Variants in MAF observed in about 807,000 individuals in gnomAD.
The protein encoded by MAF is transcription factor Maf.
A neutral mutation model predicts 22.0 loss-of-function variants in MAF; 10 were observed. The observed-to-expected ratio is 0.45, with a 90% CI of 0.28 to 0.77. The LOEUF is 0.77. Among genes scored for constraint, MAF ranks in the 30% least tolerant of loss-of-function variants. The pLI is 0.12. For synonymous variants in MAF, 337 were observed against 255.8 expected, an observed-to-expected ratio of 1.32 and a Z score of -3.03; for missense variants, 544 against 548.4, an observed-to-expected ratio of 0.99 and a Z score of 0.08.
At chr16:79,279,439 C>T in the MAF span, among the ~76,000 whole-genome samples, 6 of 152,148 alleles carry the variant, frequency 3.9e-5, no homozygotes, top group African/African-American at 9.7e-5. Flanking sequence ...GTTCCATGAA[C>T]GCACACTCCA....
chr16:79,346,562 T>A, the MAF span, among the ~76,000 whole-genome samples: 1 of 152,220 alleles, frequency 6.6e-6, no homozygotes, highest in Admixed American at 6.5e-5. Context: ...AAGGCATTAG[T>A]CTTCAACCTC....
chr16:79,477,259 G>A, the MAF span, among the ~76,000 whole-genome samples: 1 of 152,142 alleles, frequency 6.6e-6, no homozygotes, highest in Admixed American at 6.5e-5. Flanking sequence ...ATGCTTTGTG[G>A]CCAAAAGATG....
the MAF span, among the ~76,000 whole-genome samples, chr16:79,371,316 A>G: frequency 6.6e-6 from 1 of 152,106 alleles, no homozygotes; most frequent in Admixed American, 6.5e-5. Context: ...AGAAATTGGC[A>G]TAGCATCACC....
chr16:79,556,011 G>GTTAGT, the MAF span, among the ~76,000 whole-genome samples: 3 of 151,760 alleles, frequency 2.0e-5, no homozygotes, highest in South Asian at 2.1e-4. Flanking sequence ...AGTTTGTTTT[G>GTTAGT]TTAGTTTAGT....
chr16:79,466,271 G>A, the MAF span, among the ~76,000 whole-genome samples: 3 of 152,120 alleles, frequency 2.0e-5, no homozygotes, highest in African/African-American at 7.2e-5. Flanking sequence ...AGGGCACCTG[G>A]CAGGCTGCAG....
the MAF span, among the ~76,000 whole-genome samples, chr16:79,377,451 CA>C: frequency 5.3e-5 from 8 of 152,094 alleles, no homozygotes; most frequent in Admixed American, 5.2e-4. Context: ...GAGTAGATTG[CA>C]AAAATTTTCT....
chr16:79,523,606 T>A, the MAF span, among the ~76,000 whole-genome samples: 1 of 152,120 alleles, frequency 6.6e-6, no homozygotes, highest in Admixed American at 6.5e-5. Flanking sequence ...AGAAGACAGA[T>A]GAGTACACGA....
chr16:79,340,534 C>T, the MAF span, among the ~76,000 whole-genome samples: 2 of 151,630 alleles, frequency 1.3e-5, no homozygotes, highest in Non-Finnish European at 2.9e-5. Context: ...CAGCCAACAG[C>T]AAAATTTTTC....
chr16:79,567,707 T>A, the MAF span, among the ~76,000 whole-genome samples: 1 of 152,196 alleles, frequency 6.6e-6, no homozygotes, highest in Admixed American at 6.5e-5. Flanking sequence ...ATCGCCTCCA[T>A]GAGCAGCTCA....
chr16:79,338,722 A>G, the MAF span, among the ~76,000 whole-genome samples: 1 of 152,188 alleles, frequency 6.6e-6, no homozygotes, highest in Admixed American at 6.5e-5. Context: ...TATAATCTAT[A>G]CACTCGCGAC....
the MAF span, among the ~76,000 whole-genome samples, chr16:79,320,578 G>A: frequency 6.6e-6 from 1 of 152,148 alleles, no homozygotes; most frequent in Non-Finnish European, 1.5e-5. Context: ...GTTGTCTCTC[G>A]AGAAGGAGCC....
chr16:79,477,986 G>A, the MAF span, among the ~76,000 whole-genome samples: 1 of 152,112 alleles, frequency 6.6e-6, no homozygotes. Context: ...CCTCCCAACG[G>A]CTGGGATTAC....
At chr16:79,588,735 T>C (rs977199189) in intron 1 of MAF, among the ~76,000 whole-genome samples, 1 of 152,130 alleles carries the variant, frequency 6.6e-6, no homozygotes, top group African/African-American at 2.4e-5. Flanking sequence ...GTGCTGGGAT[T>C]ACAAGCATGA....
the MAF span, among the ~76,000 whole-genome samples, chr16:79,558,943 A>G: frequency 6.6e-6 from 1 of 152,218 alleles, no homozygotes; most frequent in African/African-American, 2.4e-5. Context: ...GAATTTGTTT[A>G]TTCTTGCCTG....
chr16:79,590,828 C>G (rs112625554), downstream of MAF, among the ~76,000 whole-genome samples: 9,116 of 152,206 alleles, frequency 0.06, 317 homozygotes, highest in Middle Eastern at 0.11. Flanking sequence ...CCTTCCTCTC[C>G]TCTGCTCTCT....
At chr16:79,457,633 C>G in the MAF span, among the ~76,000 whole-genome samples, 203 of 152,220 alleles carry the variant, frequency 1.3e-3, 2 homozygotes, top group South Asian at 3.1e-3. Context: ...TTTGTATGTA[C>G]TTCACCCAGA....
At chr16:79,266,164 A>G in the MAF span, among the ~76,000 whole-genome samples, 1 of 152,166 alleles carries the variant, frequency 6.6e-6, no homozygotes, top group East Asian at 1.9e-4. Context: ...GTGAGCCACC[A>G]CAGCCGGCCA....
the MAF span, among the ~76,000 whole-genome samples, chr16:79,252,167 A>T: frequency 6.6e-6 from 1 of 152,250 alleles, no homozygotes; most frequent in Non-Finnish European, 1.5e-5. Context: ...CGAGTTATAA[A>T]TGTTGTAGGC....
chr16:79,584,081 C>T (rs896705422), downstream of MAF, among the ~76,000 whole-genome samples: 1 of 151,830 alleles, frequency 6.6e-6, no homozygotes, highest in African/African-American at 2.4e-5. Context: ...TGTCCAAGAA[C>T]CATAATATAA....
Sources: allele counts gnomAD v4.1 joint callset (sites outside exome capture counted in the v4.1 genomes callset), GRCh38; gene constraint gnomAD v4.1.1; transcripts MANE v1.5; gene names NCBI Gene and HGNC (gene_info 2026-07-23, HGNC 2026-07-21).